DIP2C: variants seen among roughly 807,000 people sequenced by gnomAD.
The protein encoded by DIP2C is DIP2 acetate--CoA ligase C (putative), also known as disco-interacting protein 2 homolog C.
Under a neutral mutation model 192.4 loss-of-function variants are expected in DIP2C, and 33 were observed. That is an observed-to-expected ratio of 0.17 (90% confidence interval 0.13 to 0.23). The LOEUF (loss-of-function observed/expected upper bound fraction) is 0.23, where lower values mean the gene tolerates loss of function less well. Among genes scored for constraint, DIP2C ranks in the 10% least tolerant of loss-of-function variants. The pLI, the probability that DIP2C is intolerant of heterozygous loss-of-function variation, is 1.00. For synonymous variants in DIP2C, 979 were observed against 864.1 expected (o/e 1.13, Z -2.33); for missense variants, 1,537 against 2,110.1 (o/e 0.73, Z 5.32).
At chr10:282,488 C>T (rs1954881822) in intron 35 of DIP2C, among the ~76,000 whole-genome samples, 1 of 152,230 alleles carries the variant, frequency 6.6e-6, no homozygotes, top group African/African-American at 2.4e-5. Context: ...TCTGCAAACT[C>T]ATCTCCCTGA....
chr10:405,030 G>A (rs1589717926), intron 9 of DIP2C, among the ~76,000 whole-genome samples: 2 of 152,300 alleles, frequency 1.3e-5, no homozygotes. Flanking sequence ...ACCAGGAAAC[G>A]TTAGAAAATT....
At chr10:621,166 C>G (rs774536061) in intron 1 of DIP2C, among the ~76,000 whole-genome samples, 16 of 152,176 alleles carry the variant, frequency 1.1e-4, no homozygotes, top group Admixed American at 6.5e-5. Flanking sequence ...CCCGACGCAA[C>G]GGGCCACGTA....
intron 10 of DIP2C, among the ~76,000 whole-genome samples, chr10:396,767 C>T (rs1039985236): frequency 6.7e-6 from 1 of 149,630 alleles, no homozygotes; most frequent in African/African-American, 2.5e-5. Flanking sequence ...GATGAGAAAG[C>T]ACCTCACGGG....
intron 17 of DIP2C, among the ~76,000 whole-genome samples, chr10:374,381 A>G (rs1961325091): frequency 6.6e-6 from 1 of 152,232 alleles, no homozygotes; most frequent in African/African-American, 2.4e-5. Flanking sequence ...TCTACTAGAA[A>G]AGCACCTCAC....
chr10:520,760 C>T (rs1055356866), intron 1 of DIP2C, among the ~76,000 whole-genome samples: 11 of 152,226 alleles, frequency 7.2e-5, no homozygotes, highest in African/African-American at 2.4e-4. Flanking sequence ...CCAAAAAATT[C>T]TAAGACCCCT....
chr10:646,367 C>T (rs550170064), intron 1 of DIP2C, among the ~76,000 whole-genome samples: 1 of 152,316 alleles, frequency 6.6e-6, no homozygotes, highest in South Asian at 2.1e-4. Context: ...CGCCAACCTG[C>T]ACCACCCAAC....
chr10:362,162 T>G (rs1959613886), intron 22 of DIP2C, among the ~76,000 whole-genome samples: 1 of 152,076 alleles, frequency 6.6e-6, no homozygotes, highest in Non-Finnish European at 1.5e-5. Context: ...ACCATACGTG[T>G]GAACCCAATG....
chr10:606,809 A>ACGCACAT (rs760501015), intron 1 of DIP2C, among the ~76,000 whole-genome samples: 1 of 151,972 alleles, frequency 6.6e-6, no homozygotes, highest in Non-Finnish European at 1.5e-5. Flanking sequence ...GAAGCTACAC[A>ACGCACAT]CGCACATCTG....
intron 1 of DIP2C, among the ~76,000 whole-genome samples, chr10:604,979 C>T (rs1355167858): frequency 1.3e-5 from 2 of 152,220 alleles, no homozygotes; most frequent in Non-Finnish European, 2.9e-5. Flanking sequence ...AGGCCATCTA[C>T]TTCCGAAAGA....
intron 1 of DIP2C, among the ~76,000 whole-genome samples, chr10:532,654 A>AGAGAGTATGGGTGTGT (rs1847459570): frequency 2.0e-5 from 2 of 99,312 alleles, no homozygotes; most frequent in Non-Finnish European, 4.0e-5. Context: ...TGGGTGTGAG[A>AGAGAGTATGGGTGTGT]GAGAGTATGG....
At chr10:412,372 T>TG (rs1484746715) in intron 8 of DIP2C, among the ~76,000 whole-genome samples, 1 of 152,236 alleles carries the variant, frequency 6.6e-6, no homozygotes, top group Non-Finnish European at 1.5e-5. Flanking sequence ...GGCCATCAGC[T>TG]GTCATGCAGC....
chr10:504,745 G>A (rs979420498), intron 1 of DIP2C, among the ~76,000 whole-genome samples: 3 of 152,248 alleles, frequency 2.0e-5, no homozygotes, highest in African/African-American at 4.8e-5. Context: ...TAAGGCCTGA[G>A]TAGCAGGTGG....
At chr10:488,673 T>C (rs942870349) in intron 1 of DIP2C, among the ~76,000 whole-genome samples, 1 of 152,206 alleles carries the variant, frequency 6.6e-6, no homozygotes, top group African/African-American at 2.4e-5. Flanking sequence ...CTCTACTTCC[T>C]GCTTTGCCCT....
chr10:378,116 T>C (rs767336299), intron 17 of DIP2C, among the ~76,000 whole-genome samples: 4 of 152,168 alleles, frequency 2.6e-5, no homozygotes, highest in Non-Finnish European at 5.9e-5. Context: ...CTGATGAGTT[T>C]AGGCACCACA....
chr10:575,760 G>A lies in DIP2C; in HGVS notation c.86-89230C>T, dbSNP rs184572601. Among the ~76,000 whole-genome samples, 23 of 152,300 alleles carry A rather than the reference G, an allele frequency of 1.5e-4. No homozygotes were observed. In the East Asian group the frequency reaches 3.3e-3, roughly 22 times the overall value. On this transcript the variant is annotated intron_variant, in intron 1 of 36. Transcript: ENST00000280886. ...AAGCTACAGCAGCCTCCATCTCGCCGCAAGCAGGGCCAGAGCCAGGGGCAC... is the reference window on the plus strand; with the variant it reads ...AAGCTACAGCAGCCTCCATCTCGCCACAAGCAGGGCCAGAGCCAGGGGCAC...
chr10:337,051 T>TGTGTGC (rs1957831581), intron 29 of DIP2C, among the ~76,000 whole-genome samples: 1 of 120,196 alleles, frequency 8.3e-6, no homozygotes, highest in Non-Finnish European at 1.7e-5. Context: ...CCTAGACTGG[T>TGTGTGC]GTGTGTGTGT....
chr10:405,118 C>T (rs1964709367), intron 9 of DIP2C, among the ~76,000 whole-genome samples: 1 of 152,236 alleles, frequency 6.6e-6, no homozygotes, highest in Non-Finnish European at 1.5e-5. Context: ...TGTTAATCTT[C>T]CCAGAATACC....
intron 1 of DIP2C, among the ~76,000 whole-genome samples, chr10:513,440 C>CCT (rs1269836703): frequency 6.6e-6 from 1 of 152,230 alleles, no homozygotes; most frequent in African/African-American, 2.4e-5. Flanking sequence ...GCAGCCCGCA[C>CCT]CTCTCATCCA....
intron 3 of DIP2C, among the ~76,000 whole-genome samples, chr10:452,654 C>T (rs898485535): frequency 1.3e-5 from 2 of 152,248 alleles, no homozygotes; most frequent in African/African-American, 2.4e-5. Flanking sequence ...AACCAAGCCA[C>T]GATGGCCCCC....
Sources: allele counts gnomAD v4.1 joint callset (sites outside exome capture counted in the v4.1 genomes callset), GRCh38; gene constraint gnomAD v4.1.1; transcripts MANE v1.5; gene names NCBI Gene and HGNC (gene_info 2026-07-23, HGNC 2026-07-21).